The following XPO6 variants were observed in gnomAD, a reference collection of about 807,000 sequenced individuals.
XPO6 encodes the protein exportin-6.
XPO6 carries 3 observed loss-of-function variants against 130.0 expected under a neutral mutation model. The observed-to-expected ratio is 0.02, with a 90% CI of 0.01 to 0.06. The LOEUF (loss-of-function observed/expected upper bound fraction) is 0.06, where lower values mean the gene tolerates loss of function less well. Ranked by LOEUF, XPO6 falls within the 10% of genes least tolerant of loss-of-function variation. The pLI is 1.00. For missense variants in XPO6, 970 were observed against 1,393.0 expected, an observed-to-expected ratio of 0.70 and a Z score of 4.83; for synonymous variants, 524 against 548.9, an observed-to-expected ratio of 0.95 and a Z score of 0.63.
chr16:28,151,180 A>T (rs1022438836), intron 8 of XPO6, among the ~76,000 whole-genome samples: 1 of 1,818 alleles, frequency 5.5e-4, no homozygotes, highest in African/African-American at 2.3e-3. Context: ...ACTAGTGGTT[A>T]AAAAAAAAAA....
chr16:28,206,277 G>A (rs115155443), intron 1 of XPO6, among the ~76,000 whole-genome samples: 2,210 of 151,998 alleles, frequency 0.015, 65 homozygotes, highest in African/African-American at 0.05. Flanking sequence ...GTGGTGGCTC[G>A]CGCCTGTGAT....
At chr16:28,098,725 T>C in intron 23 of XPO6, 86 bp from the exon 24 acceptor site, 1 of 970,780 alleles carries the variant, frequency 1.0e-6, no homozygotes, top group Admixed American at 2.3e-5. Context: ...TCCCAGAGTG[T>C]GCACTGAAGA....
At chr16:28,125,056 C>G (rs1469821960) in intron 13 of XPO6, among the ~76,000 whole-genome samples, 1 of 152,176 alleles carries the variant, frequency 6.6e-6, no homozygotes, top group Non-Finnish European at 1.5e-5. Flanking sequence ...TGAGTAGAAT[C>G]AAGTGTTCCT....
At chr16:28,199,230 G>T (rs2043915325) in intron 1 of XPO6, among the ~76,000 whole-genome samples, 1 of 152,168 alleles carries the variant, frequency 6.6e-6, no homozygotes. Flanking sequence ...AGCCTCAGGA[G>T]GTCCTGATGA....
intron 17 of XPO6, chr16:28,111,158 C>T (rs542996908): frequency 6.6e-6 from 1 of 152,356 alleles, no homozygotes; most frequent in African/African-American, 2.4e-5. Context: ...CTATTTCTGA[C>T]ATTTCACAAA....
chr16:28,207,644 C>CAGGT (rs1278170414), intron 1 of XPO6, among the ~76,000 whole-genome samples: 2 of 152,196 alleles, frequency 1.3e-5, no homozygotes, highest in Non-Finnish European at 2.9e-5. Flanking sequence ...AAACAACATA[C>CAGGT]AGGTGGAAGA....
chr16:28,136,204 GTGTTTTGTTT>G (rs148637340), intron 9 of XPO6, among the ~76,000 whole-genome samples: 11 of 151,924 alleles, frequency 7.2e-5, no homozygotes, highest in African/African-American at 2.2e-4. Flanking sequence ...CACCAATGAA[GTGTTTTGTTT>G]TGTTTTGTTT....
intron 6 of XPO6, among the ~76,000 whole-genome samples, chr16:28,164,131 A>G (rs934017161): frequency 2.0e-5 from 3 of 152,164 alleles, no homozygotes; most frequent in African/African-American, 2.4e-5. Context: ...GTATATGGGG[A>G]AAAAAACCCC....
At chr16:28,107,020 A>C (rs2086799080) in intron 18 of XPO6, among the ~76,000 whole-genome samples, 1 of 152,220 alleles carries the variant, frequency 6.6e-6, no homozygotes, top group Admixed American at 6.5e-5. Context: ...AGATCTCAAC[A>C]ATCATCTTGT....
chr16:28,099,183 GCAAA>G (rs2086599879), intron 23 of XPO6, among the ~76,000 whole-genome samples: 2 of 152,220 alleles, frequency 1.3e-5, no homozygotes, highest in African/African-American at 4.8e-5. Flanking sequence ...CCGAGCAGCA[GCAAA>G]CACAGTCCCA....
chr16:28,175,828 A>G (rs1022195150), intron 4 of XPO6, 70 bp downstream of exon 4: 3 of 1,448,652 alleles, frequency 2.1e-6, no homozygotes, highest in Non-Finnish European at 2.9e-6. Context: ...AGTCCTCTTC[A>G]GGACAAGGAA....
intron 14 of XPO6, among the ~76,000 whole-genome samples, chr16:28,121,372 C>T (rs1021448754): frequency 2.6e-5 from 4 of 152,236 alleles, no homozygotes; most frequent in Non-Finnish European, 4.4e-5. Flanking sequence ...TCTTGCACTA[C>T]ATGGAGTAGC....
intron 12 of XPO6, chr16:28,126,514 T>G (rs2087416603): frequency 6.6e-6 from 1 of 152,222 alleles, no homozygotes; most frequent in South Asian, 2.1e-4. Flanking sequence ...ACAAGGGCCA[T>G]GTTAAAATAT....
chr16:28,100,342 A>G (rs949977198), intron 23 of XPO6, among the ~76,000 whole-genome samples: 4 of 152,224 alleles, frequency 2.6e-5, no homozygotes, highest in Non-Finnish European at 5.9e-5. Context: ...ACTGATATTG[A>G]TGTCGTTAGA....
intron 4 of XPO6, among the ~76,000 whole-genome samples, chr16:28,171,454 A>G (rs1275862625): frequency 1.5e-5 from 1 of 64,902 alleles, no homozygotes; most frequent in African/African-American, 7.8e-5. Flanking sequence ...CTCTGTCTCA[A>G]AAAAAAAAAA....
Position 28,117,539 on chromosome 16 carries a change from G to T in XPO6, c.1860-77C>A, listed in dbSNP as rs564395419. 124 of 1,524,180 alleles carry T rather than the reference G, an allele frequency of 8.1e-5. No individual in the cohort carries two copies. In the African/African-American group the frequency reaches 1.5e-3, roughly 19 times the overall value. 94.4% of individuals were successfully genotyped at this position (1,524,180 alleles called of 1,614,324 possible). The stretch of plus-strand genomic sequence containing the variant: ...AGCGTTCAACTCATTTTCATAGGAG[G>T]TAAGAATTGCATCCACTGCATTTGC... On this transcript the variant is annotated intron_variant, in intron 14 of 23. Transcript: ENST00000304658.
At chr16:28,182,529 G>T (rs2043635240) in intron 1 of XPO6, among the ~76,000 whole-genome samples, 1 of 152,196 alleles carries the variant, frequency 6.6e-6, no homozygotes, top group Non-Finnish European at 1.5e-5. Flanking sequence ...TTGAGCGCTT[G>T]TGAGTGAGAG....
chr16:28,146,249 T>C (rs2042980820), intron 8 of XPO6, 46 bp from the exon 9 acceptor site: 3 of 1,331,330 alleles, frequency 2.3e-6, no homozygotes, highest in Non-Finnish European at 2.2e-6. Flanking sequence ...TTAATGCTAC[T>C]ATTCCTTAGA....
intron 14 of XPO6, among the ~76,000 whole-genome samples, chr16:28,120,845 TAC>T (rs1158814952): frequency 6.6e-6 from 1 of 152,182 alleles, no homozygotes; most frequent in Non-Finnish European, 1.5e-5. Context: ...AGGGCATACA[TAC>T]ACACTGTCAC....
Sources: gnomAD v4.1 joint callset for allele counts (sites outside exome capture counted in the v4.1 genomes callset) on GRCh38, gnomAD v4.1.1 for gene constraint, MANE v1.5 for transcripts, NCBI Gene and HGNC (gene_info 2026-07-23, HGNC 2026-07-21) for gene names.